Variants in GRM5 observed in about 807,000 individuals in gnomAD.
The protein encoded by GRM5 is metabotropic glutamate receptor 5.
In GRM5, 19 loss-of-function variants were observed where a neutral mutation model predicts 83.1. The observed-to-expected ratio is 0.23, with a 90% CI of 0.16 to 0.34. GRM5 has a LOEUF of 0.34. GRM5 is among the 10% of genes least tolerant of loss of function. The pLI is 1.00. For synonymous variants in GRM5, 675 were observed against 633.6 expected, an observed-to-expected ratio of 1.07 and a Z score of -0.98; for missense variants, 1,160 against 1,588.3, an observed-to-expected ratio of 0.73 and a Z score of 4.58.
intron 3 of GRM5, among the ~76,000 whole-genome samples, chr11:88,739,108 T>TACTAG (rs1941978163): frequency 6.6e-6 from 1 of 152,108 alleles, no homozygotes; most frequent in African/African-American, 2.4e-5. Context: ...TTATATCCTT[T>TACTAG]ACTAGACTAT....
intron 2 of GRM5, among the ~76,000 whole-genome samples, chr11:89,035,533 A>G (rs1233937953): frequency 6.6e-6 from 1 of 151,896 alleles, no homozygotes; most frequent in Non-Finnish European, 1.5e-5. Context: ...AAAAATACAA[A>G]TAATTATATT....
At chr11:88,924,127 C>G (rs1945742891) in intron 2 of GRM5, among the ~76,000 whole-genome samples, 1 of 50,936 alleles carries the variant, frequency 2.0e-5, no homozygotes, top group Non-Finnish European at 4.0e-5. Flanking sequence ...GTTAGTATAG[C>G]TATAATCAAA....
At chr11:88,928,847 G>A (rs1945836280) in intron 2 of GRM5, among the ~76,000 whole-genome samples, 2 of 150,284 alleles carry the variant, frequency 1.3e-5, no homozygotes, top group South Asian at 4.2e-4. Context: ...TAAATGGATA[G>A]TAAGAAATAT....
chr11:88,987,546 C>A (rs1330123156), intron 2 of GRM5, among the ~76,000 whole-genome samples: 8 of 152,022 alleles, frequency 5.3e-5, no homozygotes, highest in African/African-American at 1.7e-4. Flanking sequence ...TAGGCTCCAC[C>A]TCTGGGGGCA....
chr11:88,713,423 T>C (rs889977682), intron 3 of GRM5, among the ~76,000 whole-genome samples: 2 of 152,054 alleles, frequency 1.3e-5, no homozygotes, highest in African/African-American at 2.4e-5. Context: ...TTGGTCATTA[T>C]AAAGCTTTAA....
intron 2 of GRM5, among the ~76,000 whole-genome samples, chr11:88,968,655 G>C (rs971048126): frequency 5.3e-5 from 8 of 152,076 alleles, no homozygotes; most frequent in Non-Finnish European, 1.2e-4. Context: ...CAGCCTGGGA[G>C]ACAGAGTAAG....
chr11:88,904,760 T>C (rs1945375172), intron 2 of GRM5, among the ~76,000 whole-genome samples: 1 of 152,180 alleles, frequency 6.6e-6, no homozygotes, highest in South Asian at 2.1e-4. Flanking sequence ...ATATTGTGTA[T>C]ATAGTGCTTT....
chr11:88,524,465 G>A (rs868803668), intron 9 of GRM5, among the ~76,000 whole-genome samples: 53 of 151,478 alleles, frequency 3.5e-4, no homozygotes, highest in African/African-American at 1.0e-3. Context: ...TGATCCACCC[G>A]CCTTGGCCTC....
At chr11:88,984,410 C>T (rs1288978474) in intron 2 of GRM5, among the ~76,000 whole-genome samples, 1 of 152,140 alleles carries the variant, frequency 6.6e-6, no homozygotes, top group South Asian at 2.1e-4. Context: ...AGCAATAGGC[C>T]ATACCACATA....
intron 3 of GRM5, among the ~76,000 whole-genome samples, chr11:88,822,783 C>G (rs1034791886): frequency 6.6e-6 from 1 of 151,794 alleles, no homozygotes; most frequent in African/African-American, 2.4e-5. Context: ...CTCTCTCTTT[C>G]TCTCTCTCCT....
At chr11:88,586,107 T>TACACAC (rs140549003) in intron 7 of GRM5, among the ~76,000 whole-genome samples, 109 of 150,570 alleles carry the variant, frequency 7.2e-4, no homozygotes, top group Non-Finnish European at 1.2e-3. Flanking sequence ...CATACATGTT[T>TACACAC]ACACACACAC....
intron 3 of GRM5, among the ~76,000 whole-genome samples, chr11:88,666,541 A>G (rs1313459434): frequency 2.0e-5 from 3 of 152,160 alleles, no homozygotes; most frequent in Non-Finnish European, 2.9e-5. Context: ...TAACCCAAAC[A>G]TCTCCCACTA....
chr11:88,653,372 C>A lies in GRM5; in HGVS notation c.943G>T (p.Asp315Tyr), dbSNP rs765239069. The A allele has an allele frequency of 6.2e-7, 1 of 1,612,716 alleles. No individual in the cohort carries two copies. Among genetic ancestry groups the A allele is most frequent in the South Asian group, 1.1e-5 (1 of 91,052 alleles). Residue 315 changes from aspartate (D) to tyrosine (Y), a missense_variant, in exon 4 of 10, where the codon GAT (aspartate) becomes TAT (tyrosine). Physicochemically the swap from Asp to Tyr is radical, Grantham distance 160. This residue lies in a region of GRM5 where 84 missense variants were observed against 231.0 expected (regional missense o/e 0.36). Coordinates refer to ENST00000305447, the MANE Select transcript of GRM5 (RefSeq NM_001143831.3). ...DGWADRYDVT[D>Y]GYQREAVGGI... is the part of the protein sequence containing the mutation. ...CCAACAGCTTCTCGCTGATATCCAT[C>A]TGTCACATCATACCTGTCAGCCCAG...
chr11:88,591,069 T>G (rs893385612), intron 6 of GRM5, among the ~76,000 whole-genome samples: 7 of 152,210 alleles, frequency 4.6e-5, no homozygotes, highest in Non-Finnish European at 7.3e-5. Context: ...GGATCTGCTC[T>G]GCTTCTCCTT....
At chr11:88,729,025 C>A (rs565155289) in intron 3 of GRM5, among the ~76,000 whole-genome samples, 18 of 152,192 alleles carry the variant, frequency 1.2e-4, no homozygotes, top group Admixed American at 2.6e-4. Context: ...CTGGCTAGGG[C>A]AATCAGGCAA....
chr11:88,687,500 A>G (rs1322018032), intron 3 of GRM5, among the ~76,000 whole-genome samples: 9 of 7,214 alleles, frequency 1.2e-3, no homozygotes. Flanking sequence ...CAAACAAAAA[A>G]TACACACACA....
intron 4 of GRM5, among the ~76,000 whole-genome samples, chr11:88,627,369 C>A (rs2135266064): frequency 6.6e-6 from 1 of 151,888 alleles, no homozygotes; most frequent in East Asian, 1.9e-4. Context: ...CCTATAATTT[C>A]TTTGTGGCAC....
intron 3 of GRM5, among the ~76,000 whole-genome samples, chr11:88,716,318 T>C (rs1328731410): frequency 6.6e-6 from 1 of 151,942 alleles, no homozygotes; most frequent in Non-Finnish European, 1.5e-5. Flanking sequence ...GTATTGCACA[T>C]AGTGAACTGT....
Position 88,817,141 on chromosome 11 carries a change from A to G in GRM5, c.911+32765T>C, listed in dbSNP as rs549452620. ...AAAATATCACTCCATGAAGAGAACA[A>G]AATTTGGCTCATATAGTTGATTAGT... On this transcript the variant is annotated intron_variant, in intron 3 of 9. Transcript: ENST00000305447. 1.2e-4 allele frequency among the ~76,000 whole-genome samples: 18 copies of G among 152,276 alleles called. No homozygotes were observed. The South Asian group carries it at 3.5e-3, about 30-fold the overall frequency.
Sources: allele counts gnomAD v4.1 joint callset (sites outside exome capture counted in the v4.1 genomes callset), GRCh38; gene constraint gnomAD v4.1.1; regional missense constraint gnomAD v4.1.1; transcripts MANE v1.5; gene names NCBI Gene and HGNC (gene_info 2026-07-23, HGNC 2026-07-21).